The following DOK6 variants were observed in gnomAD, a reference collection of about 807,000 sequenced individuals.
The protein encoded by DOK6 is docking protein 6.
DOK6 carries 22 observed loss-of-function variants against 44.0 expected under a neutral mutation model. That is an observed-to-expected ratio of 0.50 (90% CI 0.36 to 0.71). The LOEUF (loss-of-function observed/expected upper bound fraction) is 0.71, where lower values mean the gene tolerates loss of function less well. DOK6 is among the 30% of genes least tolerant of loss of function. DOK6 has a pLI of 0.00. For synonymous variants in DOK6, 166 were observed against 145.5 expected, an observed-to-expected ratio of 1.14 and a Z score of -1.01; for missense variants, 340 against 416.4, an observed-to-expected ratio of 0.82 and a Z score of 1.60.
chr18:69,829,445 G>C (rs1981841035), intron 7 of DOK6, among the ~76,000 whole-genome samples: 1 of 152,032 alleles, frequency 6.6e-6, no homozygotes, highest in Non-Finnish European at 1.5e-5. Flanking sequence ...GTACAGCTGA[G>C]GAACTTGAGG....
intron 5 of DOK6, among the ~76,000 whole-genome samples, chr18:69,732,411 C>T (rs1978439089): frequency 6.6e-6 from 1 of 152,076 alleles, no homozygotes; most frequent in African/African-American, 2.4e-5. Context: ...TGAGGTAATG[C>T]AAGTCTTATG....
intron 3 of DOK6, among the ~76,000 whole-genome samples, chr18:69,601,671 A>G (rs1983876260): frequency 2.0e-5 from 3 of 152,220 alleles, no homozygotes; most frequent in Non-Finnish European, 4.4e-5. Flanking sequence ...AAGCATTTAA[A>G]TTTTAATTTA....
At chr18:69,488,772 T>C (rs1980655349) in intron 1 of DOK6, among the ~76,000 whole-genome samples, 1 of 152,190 alleles carries the variant, frequency 6.6e-6, no homozygotes. Context: ...ATGTGGGGAT[T>C]GTGGAAACTA....
chr18:69,616,617 A>C (rs1984291041), intron 3 of DOK6, among the ~76,000 whole-genome samples: 1 of 152,244 alleles, frequency 6.6e-6, no homozygotes, highest in South Asian at 2.1e-4. Flanking sequence ...AGCAATTAAC[A>C]TACAGTATCA....
intron 7 of DOK6, among the ~76,000 whole-genome samples, chr18:69,821,742 G>A (rs985937331): frequency 7.3e-5 from 11 of 150,042 alleles, no homozygotes; most frequent in Non-Finnish European, 3.0e-5. Flanking sequence ...AATCACATGA[G>A]CTCTCTGATT....
At chr18:69,807,131 C>T (rs1295978407) in intron 7 of DOK6, among the ~76,000 whole-genome samples, 2 of 151,688 alleles carry the variant, frequency 1.3e-5, no homozygotes, top group Non-Finnish European at 2.9e-5. Flanking sequence ...GCATCATCAG[C>T]ATCACCTGGG....
chr18:69,417,474 A>G (rs1386528028), intron 1 of DOK6, among the ~76,000 whole-genome samples: 2 of 152,114 alleles, frequency 1.3e-5, no homozygotes, highest in Non-Finnish European at 2.9e-5. Context: ...ATTGATGAAT[A>G]CTTAGGTTGA....
chr18:69,683,168 G>GA (rs774666687), intron 4 of DOK6, among the ~76,000 whole-genome samples: 318 of 138,826 alleles, frequency 2.3e-3, no homozygotes, highest in South Asian at 0.01. Context: ...TTTGCATCAG[G>GA]AAAAAAAAAA....
At chr18:69,476,458 G>C (rs12968648) in intron 1 of DOK6, among the ~76,000 whole-genome samples, 65,768 of 151,728 alleles carry the variant, frequency 0.43, 14,961 homozygotes, top group Middle Eastern at 0.54. Context: ...GGAAGGCACG[G>C]GTAATCGTCA....
At chr18:69,640,477 A>T (rs1245185106) in intron 3 of DOK6, among the ~76,000 whole-genome samples, 1 of 151,340 alleles carries the variant, frequency 6.6e-6, no homozygotes, top group Non-Finnish European at 1.5e-5. Flanking sequence ...CTGTGTTTCC[A>T]AATCTTCAGA....
At chr18:69,694,413 T>C (rs1451632169) in intron 4 of DOK6, among the ~76,000 whole-genome samples, 1 of 151,284 alleles carries the variant, frequency 6.6e-6, no homozygotes, top group Non-Finnish European at 1.5e-5. Context: ...CTAGCATCTT[T>C]GTTGGATGCA....
At chr18:69,830,636 A>G (rs1599349497) in intron 7 of DOK6, among the ~76,000 whole-genome samples, 1 of 152,208 alleles carries the variant, frequency 6.6e-6, no homozygotes, top group South Asian at 2.1e-4. Context: ...TGGCAGCCCC[A>G]GCAGACTAAG....
chr18:69,662,638 A>T (rs1241681822), intron 3 of DOK6: 1 of 152,230 alleles, frequency 6.6e-6, no homozygotes, highest in Non-Finnish European at 1.5e-5. Context: ...ATTTTAATGA[A>T]CCAAAGCAAG....
At position 69,802,791 on chromosome 18, in the gene DOK6, C is replaced by A. The variant is rs1980941524; in HGVS notation, c.857-38453C>A. On this transcript the variant is annotated intron_variant, in intron 7 of 7. Transcript: ENST00000382713. ...ACAGAAGTCAAACAGATGCTGGCAC[C>A]ATGCTTGTACAGCCTGCAGAAATGT... Among the ~76,000 whole-genome samples, 5 of 152,136 alleles carry A rather than the reference C, an allele frequency of 3.3e-5. 1 individual carries two copies. The South Asian group carries it at 1.0e-3, about 31-fold the overall frequency.
At chr18:69,695,552 C>T (rs968452146) in intron 4 of DOK6, among the ~76,000 whole-genome samples, 8 of 152,106 alleles carry the variant, frequency 5.3e-5, no homozygotes, top group African/African-American at 1.9e-4. Context: ...TTCAGTAAAA[C>T]AAAGTGTATT....
chr18:69,632,412 G>A (rs1017821268), intron 3 of DOK6, among the ~76,000 whole-genome samples: 1 of 152,114 alleles, frequency 6.6e-6, no homozygotes, highest in African/African-American at 2.4e-5. Context: ...AAGGCTTGAG[G>A]TCCAGTATTT....
At chr18:69,402,712 G>A (rs1916126661) in intron 1 of DOK6, among the ~76,000 whole-genome samples, 1 of 152,240 alleles carries the variant, frequency 6.6e-6, no homozygotes. Flanking sequence ...TGCGGAGCTG[G>A]GTGACAGCAA....
chr18:69,801,035 G>A (rs1568129993), intron 7 of DOK6, among the ~76,000 whole-genome samples: 2 of 152,048 alleles, frequency 1.3e-5, no homozygotes, highest in East Asian at 1.9e-4. Context: ...AGAGACAATT[G>A]TATTGGTATT....
intron 1 of DOK6, among the ~76,000 whole-genome samples, chr18:69,481,292 T>C (rs1289521594): frequency 1.3e-5 from 2 of 152,112 alleles, no homozygotes; most frequent in African/African-American, 4.8e-5. Context: ...GTTACATATA[T>C]ATACATGTGC....
Sources: allele counts gnomAD v4.1 joint callset (sites outside exome capture counted in the v4.1 genomes callset), GRCh38; gene constraint gnomAD v4.1.1; transcripts MANE v1.5; gene names NCBI Gene and HGNC (gene_info 2026-07-23, HGNC 2026-07-21).